Variants in TSKS observed in about 807,000 individuals in gnomAD.
TSKS encodes testis specific serine kinase substrate.
TSKS carries 27 observed loss-of-function variants against 68.0 expected under a neutral mutation model. The observed-to-expected ratio is 0.40, with a 90% CI of 0.29 to 0.55. TSKS has a LOEUF of 0.55. TSKS is among the 20% of genes least tolerant of loss of function. The pLI is 0.53. For missense variants in TSKS, 806 were observed against 776.0 expected, an observed-to-expected ratio of 1.04 and a Z score of -0.46; for synonymous variants, 331 against 340.4, an observed-to-expected ratio of 0.97 and a Z score of 0.30.
rs748600493 is a variant in TSKS at position 49,739,924 on chromosome 19, A to G, written c.1631T>C (p.Met544Thr). 9 of 1,611,198 alleles carry G rather than the reference A, an allele frequency of 5.6e-6. No individual in the cohort carries two copies. Among genetic ancestry groups the G allele is most frequent in the Non-Finnish European group, 7.6e-6 (9 of 1,177,932 alleles). ...CAAGTGTAGATGGTCCAGAGTGGCC[A>G]TCTTCTCCCTGTCATGAGGCAGCGG... Reference protein sequence around the residue: ...LTDKMKPEEKMATLDHLHLKM... With the variant: ...LTDKMKPEEKTATLDHLHLKM... Residue 544 changes from methionine (M) to threonine (T), a missense_variant, in exon 11 of 11, where the codon ATG becomes ACG. Physicochemically the swap from Met to Thr is moderately conservative, Grantham distance 81. Coordinates refer to ENST00000246801, the MANE Select transcript of TSKS (RefSeq NM_021733.2).
intron 6 of TSKS, among the ~76,000 whole-genome samples, chr19:49,746,249 T>C (rs2084298343): frequency 6.6e-6 from 1 of 151,814 alleles, no homozygotes; most frequent in Non-Finnish European, 1.5e-5. Flanking sequence ...CCACCGCAGC[T>C]CCTGGAGACT....
chr19:49,754,854 C>T (rs2084380877), intron 2 of TSKS, among the ~76,000 whole-genome samples: 1 of 152,156 alleles, frequency 6.6e-6, no homozygotes, highest in South Asian at 2.1e-4. Context: ...AATCCCAGCA[C>T]TTTGGGAGGC....
chr19:49,742,832 A>C (rs2084263422), intron 8 of TSKS, among the ~76,000 whole-genome samples: 1 of 151,978 alleles, frequency 6.6e-6, no homozygotes, highest in Non-Finnish European at 1.5e-5. Flanking sequence ...GACAGCCCTC[A>C]GTTTGCAAAG....
Position 49,748,454 on chromosome 19 carries a change from C to T in TSKS, c.415G>A (p.Gly139Arg), listed in dbSNP as rs1233566733. Residue 139 changes from glycine to arginine, a missense_variant, in exon 3 of 11, where the codon GGA becomes AGA. Transcript: ENST00000246801. ...ATGGAGTCTTTGGCGCGGACCAATC[C>T]ACTGTTGACCCCACTCTGGGGAAGA... The part of the protein sequence containing the change: ...ITEILSGVNS[G>R]LVRAKDSITS... 4 of 1,614,168 alleles carry T rather than the reference C, an allele frequency of 2.5e-6. No homozygotes were observed. Among genetic ancestry groups the T allele is most frequent in the Non-Finnish European group, 3.4e-6 (4 of 1,180,002 alleles).
intron 8 of TSKS, among the ~76,000 whole-genome samples, chr19:49,743,013 T>C (rs1568560228): frequency 1.3e-5 from 2 of 151,928 alleles, no homozygotes; most frequent in Non-Finnish European, 2.9e-5. Flanking sequence ...ACTGAAACCC[T>C]GCCTCTCCTC....
At chr19:49,743,959 G>A (rs575891122) in intron 8 of TSKS, among the ~76,000 whole-genome samples, 2 of 152,142 alleles carry the variant, frequency 1.3e-5, no homozygotes, top group Non-Finnish European at 2.9e-5. Context: ...CGCCCACCTT[G>A]GTCTCCCGAA....
rs1210920954 is a variant in TSKS, at chr19:49,741,814, G to A, written c.1497+71C>T. On this transcript the variant is annotated intron_variant, in intron 9 of 10. Coordinates refer to ENST00000246801, the MANE Select transcript of TSKS (RefSeq NM_021733.2). ...TGCCACACACCAGCAGTACCCTTGA[G>A]TCCGGGGTTCCCCTCCCCTTGCCCC... The A allele has an allele frequency of 3.7e-6, 6 of 1,604,704 alleles. No homozygotes were observed. The East Asian group carries it at 1.3e-4, about 36-fold the overall frequency.
chr19:49,745,706 C>T (rs139857160), intron 6 of TSKS, among the ~76,000 whole-genome samples: 223 of 152,244 alleles, frequency 1.5e-3, no homozygotes, highest in African/African-American at 4.8e-3. Context: ...CTACTCTGCC[C>T]CACGTGGTGC....
Position 49,745,294 on chromosome 19 carries a change from G to A in TSKS, c.1095C>T (p.Phe365=). The A allele has an allele frequency of 6.2e-7, 1 of 1,605,878 alleles. No individual in the cohort carries two copies. Among genetic ancestry groups the A allele is most frequent in the Non-Finnish European group, 8.5e-7 (1 of 1,179,602 alleles). Residue 365 remains phenylalanine, a synonymous_variant, in exon 7 of 11, where the codon TTC becomes TTT. Transcript: ENST00000246801. ...GCTGTGCCCGCTCCCACTGGCCTAG[G>A]AAGCCGTCGACCCTGCCGCCCAGGC... is the stretch of plus-strand genomic sequence containing the variant. ...LGGLGGRVDG[F]LGQWERAQRE...
intron 2 of TSKS, among the ~76,000 whole-genome samples, chr19:49,759,170 T>TA (rs908208395): frequency 1.3e-5 from 2 of 151,432 alleles, no homozygotes; most frequent in African/African-American, 4.8e-5. Context: ...AATATTTTTT[T>TA]AAAAAATTAG....
intron 1 of TSKS, among the ~76,000 whole-genome samples, chr19:49,762,696 G>T (rs1838319916): frequency 6.6e-6 from 1 of 151,106 alleles, no homozygotes; most frequent in Admixed American, 6.6e-5. Flanking sequence ...CAAAGTGCTG[G>T]GATTACAGGC....
At chr19:49,757,690 C>G (rs941539104) in intron 2 of TSKS, among the ~76,000 whole-genome samples, 1 of 152,086 alleles carries the variant, frequency 6.6e-6, no homozygotes, top group Non-Finnish European at 1.5e-5. Context: ...TCCATCACCG[C>G]CTGGTTCTCT....
At chr19:49,751,167 G>A (rs1281694268) in intron 2 of TSKS, among the ~76,000 whole-genome samples, 1 of 151,784 alleles carries the variant, frequency 6.6e-6, no homozygotes, top group Non-Finnish European at 1.5e-5. Context: ...AGCCAGGCGT[G>A]GTGGCAGGCA....
chr19:49,753,578 A>AT (rs1385041766), intron 2 of TSKS, among the ~76,000 whole-genome samples: 1 of 146,718 alleles, frequency 6.8e-6, no homozygotes, highest in African/African-American at 2.5e-5. Context: ...AATAATAATA[A>AT]TAATAATAAT....
At chr19:49,748,351 T>C in intron 3 of TSKS, 23 bp downstream of exon 3, 1 of 1,611,164 alleles carries the variant, frequency 6.2e-7, no homozygotes, top group East Asian at 2.2e-5. Context: ...AGGGCAGGTG[T>C]TGGATATAGG....
intron 9 of TSKS, among the ~76,000 whole-genome samples, chr19:49,741,579 T>C (rs2084252534): frequency 6.6e-6 from 1 of 152,128 alleles, no homozygotes; most frequent in South Asian, 2.1e-4. Flanking sequence ...AGGCCTATGT[T>C]CCATGAAGCT....
At chr19:49,741,668 C>T (rs75070358) in intron 9 of TSKS, among the ~76,000 whole-genome samples, 4,464 of 152,206 alleles carry the variant, frequency 0.029, 73 homozygotes, top group Middle Eastern at 0.041. Context: ...GTCCATCTTC[C>T]GAGGTAGCGT....
intron 5 of TSKS, 49 bp from the exon 6 acceptor site, chr19:49,746,847 C>T (rs766985683): frequency 3.6e-5 from 57 of 1,574,136 alleles, no homozygotes; most frequent in Middle Eastern, 2.1e-4. Context: ...GCTTTCCTCC[C>T]GCAACCACCT....
intron 2 of TSKS, among the ~76,000 whole-genome samples, chr19:49,761,497 A>G (rs185906935): frequency 6.6e-6 from 1 of 151,974 alleles, no homozygotes; most frequent in African/African-American, 2.4e-5. Flanking sequence ...TTTCCCTGGT[A>G]CCCCCCAGCC....
Sources: gnomAD v4.1 joint callset for allele counts (sites outside exome capture counted in the v4.1 genomes callset) on GRCh38, gnomAD v4.1.1 for gene constraint, MANE v1.5 for transcripts, NCBI Gene and HGNC (gene_info 2026-07-23, HGNC 2026-07-21) for gene names.